Variants in GNAI1 observed in about 807,000 individuals in gnomAD.
GNAI1 encodes the protein guanine nucleotide-binding protein G(i) subunit alpha-1.
Under a neutral mutation model 38.9 loss-of-function variants are expected in GNAI1, and 11 were observed. The observed-to-expected ratio is 0.28, with a 90% CI of 0.18 to 0.47. The LOEUF is 0.47. Ranked by LOEUF, GNAI1 falls within the 20% of genes least tolerant of loss-of-function variation. The probability of loss-of-function intolerance (pLI) is 0.99; values close to 1 mark genes in which losing one functional copy is unlikely to be tolerated. For synonymous variants in GNAI1, 166 were observed against 145.1 expected (o/e 1.14, Z -1.04); for missense variants, 317 against 436.9 (o/e 0.73, Z 2.45).
intron 1 of GNAI1, among the ~76,000 whole-genome samples, chr7:80,147,351 C>T (rs1407753066): frequency 7.5e-5 from 11 of 147,340 alleles, no homozygotes. Context: ...GCTGGTCCTT[C>T]ATGATGAGAT....
At chr7:80,179,634 C>T (rs921100707) in intron 1 of GNAI1, among the ~76,000 whole-genome samples, 14 of 152,136 alleles carry the variant, frequency 9.2e-5, no homozygotes, top group African/African-American at 1.4e-4. Flanking sequence ...CTTTCCCCTA[C>T]GTACAAGCTA....
intron 6 of GNAI1, 140 bp downstream of exon 6, chr7:80,211,238 A>G: frequency 7.4e-6 from 5 of 673,904 alleles, no homozygotes; most frequent in Non-Finnish European, 9.8e-6. Context: ...AGAGAGATAT[A>G]CTAGAGAAGC....
intron 1 of GNAI1, among the ~76,000 whole-genome samples, chr7:80,164,673 A>G (rs1315864238): frequency 1.3e-5 from 2 of 152,144 alleles, no homozygotes; most frequent in Non-Finnish European, 2.9e-5. Context: ...TGTCTTCAGA[A>G]TTGGCAGAAG....
intron 5 of GNAI1, among the ~76,000 whole-genome samples, chr7:80,206,507 A>G (rs1218306587): frequency 6.6e-6 from 1 of 152,052 alleles, no homozygotes; most frequent in African/African-American, 2.4e-5. Context: ...GATCTGGAGA[A>G]TATTGTCATT....
chr7:80,145,906 T>G (rs1226704262), intron 1 of GNAI1, among the ~76,000 whole-genome samples: 1 of 152,148 alleles, frequency 6.6e-6, no homozygotes, highest in Non-Finnish European at 1.5e-5. Flanking sequence ...AGCCCTTTCC[T>G]GTAGAGCCAG....
chr7:80,180,416 T>TG, intron 1 of GNAI1, among the ~76,000 whole-genome samples: 1 of 151,970 alleles, frequency 6.6e-6, no homozygotes, highest in Admixed American at 6.6e-5. Flanking sequence ...AAATTGCACT[T>TG]GCGATATGAT....
At chr7:80,193,137 C>T (rs983922671) in intron 3 of GNAI1, among the ~76,000 whole-genome samples, 7 of 151,976 alleles carry the variant, frequency 4.6e-5, no homozygotes, top group Admixed American at 2.0e-4. Flanking sequence ...CATTTCATTC[C>T]GTTGTTCTTT....
intron 1 of GNAI1, among the ~76,000 whole-genome samples, chr7:80,160,587 T>C (rs1045352497): frequency 6.6e-6 from 1 of 152,188 alleles, no homozygotes; most frequent in African/African-American, 2.4e-5. Flanking sequence ...GTTTTAAAAA[T>C]GAATACTTGT....
In GNAI1 at chr7:80,135,108, G is replaced by A; in HGVS notation, c.-53G>A. 1 of 1,259,592 alleles carries A rather than the reference G, an allele frequency of 7.9e-7. No homozygotes were observed. Among genetic ancestry groups the A allele is most frequent in the African/African-American group, 1.5e-5 (1 of 64,700 alleles). 78.0% of individuals were successfully genotyped at this position (1,259,592 alleles called of 1,614,324 possible). ...GAGAGAAAGGATTCCCCTGTGCTTG[G>A]AGCCCGCACTCGGGCGCGGAGGGAG... On this transcript the variant is annotated 5_prime_UTR_variant, in exon 1 of 8. Coordinates refer to ENST00000649796, the MANE Select transcript of GNAI1 (RefSeq NM_002069.6).
At chr7:80,187,885 G>A (rs1445146605) in intron 1 of GNAI1, among the ~76,000 whole-genome samples, 1 of 152,150 alleles carries the variant, frequency 6.6e-6, no homozygotes, top group East Asian at 1.9e-4. Context: ...AGCAGCTATT[G>A]TTAAGTGGAA....
chr7:80,135,271 G>T lies in GNAI1; in HGVS notation c.111G>T (p.Leu37=). Residue 37 remains leucine, a synonymous_variant, in exon 1 of 8, where the codon CTG becomes CTT. Coordinates refer to ENST00000649796, the MANE Select transcript of GNAI1 (RefSeq NM_002069.6). ...GEKAAREVKL[L]LLGAGESGKS... ...AGGCGGCGCGCGAGGTCAAGCTGCTGCTGCTCGGTAAGGGCGGCCGGGTCG... is the reference window on the plus strand; with the variant it reads ...AGGCGGCGCGCGAGGTCAAGCTGCTTCTGCTCGGTAAGGGCGGCCGGGTCG... 1 of 1,499,416 alleles carries T rather than the reference G, an allele frequency of 6.7e-7. No individual in the cohort carries two copies. The highest frequency in any genetic ancestry group is 8.9e-7 in the Non-Finnish European group (1 of 1,122,132). 92.9% of individuals were successfully genotyped at this position (1,499,416 alleles called of 1,614,324 possible). A position where few individuals can be genotyped will look rare whatever the true frequency, so the allele number is the denominator to read the frequency against.
intron 7 of GNAI1, 65 bp from the exon 8 acceptor site, chr7:80,217,238 A>AGTTTCATATGTATGAAACTGAC (rs1788988234): frequency 1.2e-4 from 40 of 323,790 alleles, no homozygotes; most frequent in East Asian, 5.7e-4. Flanking sequence ...ATGAAACTGA[A>AGTTTCATATGTATGAAACTGAC]TTCAGTATTT....
Position 80,224,826 on chromosome 7 carries a change from A to AT in GNAI1, c.*7334dup. On this transcript the variant is annotated 3_prime_UTR_variant, in exon 8 of 8. Coordinates refer to ENST00000649796, the MANE Select transcript of GNAI1 (RefSeq NM_002069.6). Reference sequence around the variant, plus strand: ...CAGATACACAGAATTTAAAAATTACATGTTGAACTGATTTGTGATATATTG... The same window carrying AT: ...CAGATACACAGAATTTAAAAATTACATTGTTGAACTGATTTGTGATATATTG... Among the ~76,000 whole-genome samples the AT allele has an allele frequency of 6.6e-6, 1 of 152,190 alleles. No homozygotes were observed. The highest frequency in any genetic ancestry group is 1.9e-4 in the East Asian group (1 of 5,202).
At chr7:80,156,595 A>G (rs1478889846) in intron 1 of GNAI1, among the ~76,000 whole-genome samples, 1 of 151,826 alleles carries the variant, frequency 6.6e-6, no homozygotes, top group Admixed American at 6.6e-5. Context: ...TTCCCAGCCA[A>G]TTTTTTAATT....
At chr7:80,155,559 G>A (rs902871595) in intron 1 of GNAI1, among the ~76,000 whole-genome samples, 1 of 152,164 alleles carries the variant, frequency 6.6e-6, no homozygotes, top group African/African-American at 2.4e-5. Flanking sequence ...TGTATTTTAT[G>A]TAGTCTAGTT....
chr7:80,193,903 A>C (rs1788524016), intron 3 of GNAI1, among the ~76,000 whole-genome samples: 1 of 152,214 alleles, frequency 6.6e-6, no homozygotes. Flanking sequence ...CTTATTTAGA[A>C]TATAGGCTGT....
chr7:80,199,477 A>G (rs1258822471), intron 4 of GNAI1, 95 bp downstream of exon 4: 4 of 853,784 alleles, frequency 4.7e-6, no homozygotes. Context: ...ATTGGCTGAC[A>G]CATTCTTGTA....
chr7:80,177,433 C>T (rs1456333026), intron 1 of GNAI1, among the ~76,000 whole-genome samples: 1 of 152,220 alleles, frequency 6.6e-6, no homozygotes, highest in African/African-American at 2.4e-5. Flanking sequence ...TGCTCTTTCA[C>T]AATGCACCGC....
At chr7:80,164,686 G>C (rs1271550524) in intron 1 of GNAI1, among the ~76,000 whole-genome samples, 2 of 152,120 alleles carry the variant, frequency 1.3e-5, no homozygotes, top group Admixed American at 1.3e-4. Flanking sequence ...GGCAGAAGTT[G>C]ACTCTAGACT....
Sources: allele counts gnomAD v4.1 joint callset (sites outside exome capture counted in the v4.1 genomes callset), GRCh38; gene constraint gnomAD v4.1.1; transcripts MANE v1.5; gene names NCBI Gene and HGNC (gene_info 2026-07-23, HGNC 2026-07-21).